The following ZNF273 variants were observed in gnomAD, a reference collection of about 807,000 sequenced individuals.
ZNF273 encodes zinc finger protein 9.
A neutral mutation model predicts 14.9 loss-of-function variants in ZNF273; 11 were observed. The observed-to-expected ratio is 0.74, with a 90% CI of 0.46 to 1.22. The LOEUF is 1.22. Among genes scored for constraint, ZNF273 ranks in the 50% most tolerant of loss-of-function variants. The pLI, the probability that ZNF273 is intolerant of heterozygous loss-of-function variation, is 0.00. For missense variants in ZNF273, 577 were observed against 660.6 expected (o/e 0.87, Z 1.39); for synonymous variants, 199 against 223.9 (o/e 0.89, Z 0.99).
chr7:64,890,298 C>A (rs1791926362), downstream of ZNF273, among the ~76,000 whole-genome samples: 4 of 151,126 alleles, frequency 2.6e-5, no homozygotes, highest in Admixed American at 2.6e-4. Flanking sequence ...CAGCAGCATC[C>A]CTGCAGAGGA....
upstream of ZNF273, among the ~76,000 whole-genome samples, chr7:64,900,646 A>G (rs1476738336): frequency 1.3e-5 from 2 of 152,184 alleles, no homozygotes; most frequent in Non-Finnish European, 2.9e-5. Flanking sequence ...CAGAGAATCC[A>G]TCTGCATAAT....
In ZNF273 at chr7:64,888,443, C is replaced by G. The variant is rs556708341; in HGVS notation, n.274-130C>G. ...GGGCTGGACAGGGAAGGGCCTGGCT[C>G]TCAAGGAAGGGAGCTTCTCCAGGTG... is the stretch of plus-strand genomic sequence containing the variant. On this transcript the variant is annotated intron_variant and non_coding_transcript_variant, in intron 1 of 1. Transcript: ENST00000471926. 2.6e-4 allele frequency: 261 copies of G among 985,774 alleles called. 1 individual carries two copies. In the South Asian group the frequency reaches 0.011, roughly 40 times the overall value. 61.1% of individuals were successfully genotyped at this position (985,774 alleles called of 1,614,324 possible). A position where few individuals can be genotyped will look rare whatever the true frequency, so the allele number is the denominator to read the frequency against.
chr7:64,907,055 C>G (rs1257852017), intron 1 of ZNF273, among the ~76,000 whole-genome samples: 2 of 152,160 alleles, frequency 1.3e-5, no homozygotes, highest in Non-Finnish European at 2.9e-5. Flanking sequence ...TTGGTTCAGA[C>G]TGAGGGTAGC....
chr7:64,888,582 G>C (rs1791753061), exon 2 of ZNF273: 1 of 985,716 alleles, frequency 1.0e-6, no homozygotes, highest in Admixed American at 6.2e-5. Flanking sequence ...GTAGCACTTA[G>C]CACCTGCCCG....
intron 3 of ZNF273, chr7:64,923,670 A>G (rs1385599804): frequency 9.0e-6 from 2 of 221,992 alleles, no homozygotes; most frequent in African/African-American, 4.7e-5. Context: ...GATCATATCT[A>G]CTGAATGATT....
intron 1 of ZNF273, among the ~76,000 whole-genome samples, chr7:64,912,452 C>A (rs1793588377): frequency 6.6e-6 from 1 of 152,170 alleles, no homozygotes; most frequent in Non-Finnish European, 1.5e-5. Flanking sequence ...TAAGAACTTG[C>A]TTTATTCATG....
At chr7:64,909,110 T>C (rs892600881) in intron 1 of ZNF273, among the ~76,000 whole-genome samples, 5 of 152,114 alleles carry the variant, frequency 3.3e-5, no homozygotes, top group African/African-American at 9.7e-5. Context: ...CGTACGGGGT[T>C]TTGCCATGTT....
intron 1 of ZNF273, among the ~76,000 whole-genome samples, chr7:64,910,213 A>G (rs1293626306): frequency 1.3e-5 from 2 of 151,622 alleles, no homozygotes; most frequent in African/African-American, 2.4e-5. Context: ...TTTTGTTGCA[A>G]TTGCTTTTGG....
chr7:64,901,545 T>A (rs1157815889), upstream of ZNF273, among the ~76,000 whole-genome samples: 1 of 152,238 alleles, frequency 6.6e-6, no homozygotes, highest in Non-Finnish European at 1.5e-5. Flanking sequence ...CTTTTTCTTC[T>A]CATTGATGTA....
At chr7:64,917,207 G>A in intron 1 of ZNF273, 1 of 805,410 alleles carries the variant, frequency 1.2e-6, no homozygotes, top group Non-Finnish European at 1.7e-6. Context: ...GTTTATTACT[G>A]TACACATTAA....
rs545384511 is a variant in ZNF273, at chr7:64,921,175, C to T, written c.325+2883C>T. Among the ~76,000 whole-genome samples, 3 of 152,014 alleles carry T rather than the reference C, an allele frequency of 2.0e-5. No individual in the cohort carries two copies. In the East Asian group the frequency reaches 5.8e-4, roughly 29 times the overall value. ...CACTTCCTGGGTTTAAGTGATTCTC[C>T]TGCCTCAGCCTCCCAAGTAGCTAAG... On this transcript the variant is annotated intron_variant, in intron 3 of 3. Transcript: ENST00000476120.
At chr7:64,908,526 C>T (rs1793272516) in intron 1 of ZNF273, among the ~76,000 whole-genome samples, 2 of 152,292 alleles carry the variant, frequency 1.3e-5, no homozygotes, top group African/African-American at 4.8e-5. Context: ...GGCATGATCT[C>T]ACTGCAACCT....
At position 64,928,773 on chromosome 7, in the gene ZNF273, G is replaced by T. The variant is rs1392855437; in HGVS notation, c.1445G>T (p.Gly482Val). 2 of 1,613,442 alleles carry T rather than the reference G, an allele frequency of 1.2e-6. No individual in the cohort carries two copies. The highest frequency in any genetic ancestry group is 1.7e-6 in the Non-Finnish European group (2 of 1,179,876). The change falls in exon 4 of 4, where the codon GGA (glycine) becomes GTA (valine). Residue 482 changes from glycine (G) to valine (V), a missense_variant. By Grantham distance (109) the Gly-to-Val change is moderately radical (BLOSUM62 -3). Transcript: ENST00000476120. ...ACTGAACATAAGAGAGTTCATACTG[G>T]AGAGAAACCTTACAAATGCAATGAA... Reference protein sequence around the residue: ...TLTEHKRVHTGEKPYKCNECG... With the variant: ...TLTEHKRVHTVEKPYKCNECG...
At chr7:64,918,684 A>AG (rs1794198354) in intron 3 of ZNF273, among the ~76,000 whole-genome samples, 1 of 124,422 alleles carries the variant, frequency 8.0e-6, no homozygotes, top group Non-Finnish European at 1.8e-5. Context: ...AAAAAAAAAA[A>AG]AAAATGTGAT....
rs1469787712 is a variant in ZNF273, at chr7:64,927,811, A to C, written c.483A>C (p.Arg161Ser). Reference sequence around the variant, plus strand: ...CGGATGAGCATAAGGTGCACAAAAGAGGTTATAATGGACTTAACCAATGTT... The same window carrying C: ...CGGATGAGCATAAGGTGCACAAAAGCGGTTATAATGGACTTAACCAATGTT... ...KSADEHKVHK[R>S]GYNGLNQCLT... Residue 161 changes from arginine to serine, a missense_variant, in exon 4 of 4, where the codon AGA becomes AGC. By Grantham distance (110) the Arg-to-Ser change is moderately radical. Around this residue, in one of 3 missense-constraint regions of ZNF273, gnomAD observed 162 missense variants for 203.5 expected, o/e 0.80. Transcript: ENST00000476120. 6.2e-7 allele frequency: 1 copy of C among 1,614,048 alleles called. No individual in the cohort carries two copies. The highest frequency in any genetic ancestry group is 1.3e-5 in the African/African-American group (1 of 75,060).
chr7:64,878,316 C>T (rs991758463), intron 1 of ZNF273: 3 of 152,264 alleles, frequency 2.0e-5, no homozygotes, highest in Admixed American at 6.5e-5. Flanking sequence ...CAAGAAGGAA[C>T]ACCTCCCAAG....
intron 1 of ZNF273, among the ~76,000 whole-genome samples, chr7:64,910,525 A>G (rs892928276): frequency 4.4e-4 from 67 of 152,022 alleles, no homozygotes; most frequent in Non-Finnish European, 1.5e-4. Flanking sequence ...GCATTGGTCT[A>G]TGAGCCTGTT....
rs555189437 is a variant in ZNF273 at position 64,928,845 on chromosome 7, G to A, written c.1517G>A (p.Arg506Lys). 1.6e-4 allele frequency: 266 copies of A among 1,613,136 alleles called. No individual in the cohort carries two copies. Among genetic ancestry groups the A allele is most frequent in the Non-Finnish European group, 2.2e-4 (262 of 1,179,752 alleles). The change falls in exon 4 of 4, where the codon AGA (arginine) becomes AAA (lysine). Residue 506 changes from arginine (R) to lysine (K), a missense_variant. Physicochemically the swap from Arg to Lys is conservative, Grantham distance 26 (BLOSUM62 2). Coordinates refer to ENST00000476120, the MANE Select transcript of ZNF273 (RefSeq NM_021148.3). ...NWSSTLTKHK[R>K]IHTGEKPYKC... ...TCCTCAACTCTTACTAAACATAAGA[G>A]AATTCATACTGGAGAGAAGCCCTAC...
chr7:64,917,081 A>G (rs187626361), intron 1 of ZNF273: 1 of 1,286,258 alleles, frequency 7.8e-7, no homozygotes, highest in African/African-American at 1.5e-5. Flanking sequence ...GATGTTTGAC[A>G]AAATATTCTT....
Sources: allele counts gnomAD v4.1 joint callset (sites outside exome capture counted in the v4.1 genomes callset), GRCh38; gene constraint gnomAD v4.1.1; regional missense constraint gnomAD v4.1.1; transcripts MANE v1.5; gene names NCBI Gene and HGNC (gene_info 2026-07-23, HGNC 2026-07-21).